SLC1A3: variants seen among roughly 807,000 people sequenced by gnomAD.
SLC1A3 encodes the protein excitatory amino acid transporter 1.
Under a neutral mutation model 48.1 loss-of-function variants are expected in SLC1A3, and 21 were observed. That is an observed-to-expected ratio of 0.44 (90% CI 0.31 to 0.63). The LOEUF (loss-of-function observed/expected upper bound fraction) is 0.63, where lower values mean the gene tolerates loss of function less well. Ranked by LOEUF, SLC1A3 falls within the 20% of genes least tolerant of loss-of-function variation. The probability of loss-of-function intolerance (pLI) is 0.08; values close to 1 mark genes in which losing one functional copy is unlikely to be tolerated. For synonymous variants in SLC1A3, 239 were observed against 251.4 expected (o/e 0.95, Z 0.47); for missense variants, 546 against 689.0 (o/e 0.79, Z 2.32).
At chr5:36,609,253 T>C (rs1399559713) in intron 2 of SLC1A3, 2 of 940,926 alleles carry the variant, frequency 2.1e-6, no homozygotes, top group East Asian at 1.2e-4. Flanking sequence ...GACAGCAATC[T>C]GTACTAATAA....
chr5:36,636,718 A>G (rs1740405520), intron 3 of SLC1A3, among the ~76,000 whole-genome samples: 1 of 151,706 alleles, frequency 6.6e-6, no homozygotes, highest in South Asian at 2.1e-4. Context: ...AACCTGAGGA[A>G]CATGGCCTCA....
chr5:36,637,508 T>A (rs1162027680), intron 3 of SLC1A3, among the ~76,000 whole-genome samples: 1 of 152,224 alleles, frequency 6.6e-6, no homozygotes, highest in African/African-American at 2.4e-5. Flanking sequence ...GGAAGAAATT[T>A]TTGAAAAATT....
At chr5:36,637,966 AC>A (rs962712871) in intron 3 of SLC1A3, among the ~76,000 whole-genome samples, 3 of 149,084 alleles carry the variant, frequency 2.0e-5, no homozygotes, top group African/African-American at 7.5e-5. Flanking sequence ...TCTATTGTGC[AC>A]CCATGGTTGA....
chr5:36,641,064 C>A (rs924962418), intron 3 of SLC1A3, among the ~76,000 whole-genome samples: 2 of 152,028 alleles, frequency 1.3e-5, no homozygotes, highest in Non-Finnish European at 2.9e-5. Flanking sequence ...TGACTTGCTT[C>A]CCATTTCTGG....
intron 3 of SLC1A3, among the ~76,000 whole-genome samples, chr5:36,662,674 C>A (rs1741565130): frequency 6.6e-6 from 1 of 152,228 alleles, no homozygotes; most frequent in Non-Finnish European, 1.5e-5. Context: ...CTCGCGCCGG[C>A]AGCTGTGGGC....
intron 3 of SLC1A3, among the ~76,000 whole-genome samples, chr5:36,654,381 A>T (rs1741207256): frequency 6.6e-6 from 1 of 152,198 alleles, no homozygotes; most frequent in Non-Finnish European, 1.5e-5. Flanking sequence ...TATCCCAATC[A>T]CTTGACTTCT....
chr5:36,609,957 T>C (rs1739125934), intron 2 of SLC1A3, among the ~76,000 whole-genome samples: 1 of 152,216 alleles, frequency 6.6e-6, no homozygotes, highest in Non-Finnish European at 1.5e-5. Context: ...CAAACATTTA[T>C]ATAGTACTAT....
Position 36,671,518 on chromosome 5 carries a change from C to T in SLC1A3, c.524+285C>T, listed in dbSNP as rs114319280. 4.1e-3 allele frequency among the ~76,000 whole-genome samples: 626 copies of T among 152,278 alleles called. 6 individuals are homozygous for T. Among genetic ancestry groups the T allele is most frequent in the African/African-American group, 0.014 (595 of 41,556 alleles). Reference sequence around the variant, plus strand: ...GACCTCTCTCAACTATGCAGCTCACCTTGGAATTTTAATAATTCTTAACCT... The same window carrying T: ...GACCTCTCTCAACTATGCAGCTCACTTTGGAATTTTAATAATTCTTAACCT... On this transcript the variant is annotated intron_variant, in intron 4 of 9. Transcript: ENST00000265113.
intron 1 of SLC1A3, among the ~76,000 whole-genome samples, chr5:36,601,077 C>T (rs1457717948): frequency 6.6e-6 from 1 of 152,218 alleles, no homozygotes; most frequent in Non-Finnish European, 1.5e-5. Flanking sequence ...GAAATAGTTG[C>T]TATAATAGTC....
chr5:36,670,813 G>C, intron 3 of SLC1A3: 1 of 597,200 alleles, frequency 1.7e-6, no homozygotes, highest in Non-Finnish European at 3.0e-6. Context: ...ATGAGTGACT[G>C]CATGTTCACT....
At chr5:36,618,645 C>A (rs900504550) in intron 2 of SLC1A3, among the ~76,000 whole-genome samples, 3 of 152,198 alleles carry the variant, frequency 2.0e-5, no homozygotes, top group Non-Finnish European at 2.9e-5. Flanking sequence ...AGAACAGAGG[C>A]TCTGAAAGAA....
At chr5:36,598,315 C>T (rs1012210918) in intron 1 of SLC1A3, among the ~76,000 whole-genome samples, 10 of 152,188 alleles carry the variant, frequency 6.6e-5, no homozygotes, top group African/African-American at 2.4e-4. Context: ...ATATAAAACA[C>T]TTGGCATGGT....
At chr5:36,606,883 A>G (rs2111647086) in intron 1 of SLC1A3, 148 bp downstream of exon 1, 1 of 152,396 alleles carries the variant, frequency 6.6e-6, no homozygotes, top group East Asian at 1.9e-4. Context: ...TCACGTCGTG[A>G]GAGTGTGGTG....
intron 2 of SLC1A3, 21 bp downstream of exon 2, chr5:36,608,625 C>CA (rs3216728): frequency 0.17 from 280,103 of 1,608,946 alleles, 32,232 homozygotes; most frequent in African/African-American, 0.53. Flanking sequence ...TGATTAAAAA[C>CA]AAAAAAACCT....
At chr5:36,608,886 G>T in intron 2 of SLC1A3, 1 of 1,141,052 alleles carries the variant, frequency 8.8e-7, no homozygotes, top group South Asian at 3.2e-5. Context: ...GGATAAGGAA[G>T]TGATCATTTA....
chr5:36,621,714 A>T (rs1223244435), intron 2 of SLC1A3, among the ~76,000 whole-genome samples: 1 of 152,224 alleles, frequency 6.6e-6, no homozygotes, highest in Non-Finnish European at 1.5e-5. Flanking sequence ...GAATCTCGAC[A>T]TCATTAATTC....
chr5:36,679,986 C>G, intron 7 of SLC1A3, 126 bp downstream of exon 7: 1 of 729,340 alleles, frequency 1.4e-6, no homozygotes, highest in Non-Finnish European at 2.4e-6. Flanking sequence ...TTAGCTTTCT[C>G]ATTTCTGATG....
intron 3 of SLC1A3, among the ~76,000 whole-genome samples, chr5:36,652,834 T>C (rs964577923): frequency 4.6e-5 from 7 of 152,164 alleles, no homozygotes; most frequent in African/African-American, 9.7e-5. Context: ...ATAAAGTTAA[T>C]ACCTCTAAAA....
intron 3 of SLC1A3, among the ~76,000 whole-genome samples, chr5:36,648,171 GT>G (rs910751458): frequency 1.3e-5 from 2 of 152,024 alleles, no homozygotes; most frequent in African/African-American, 4.8e-5. Flanking sequence ...ATTATTAAGA[GT>G]TTTTTTATGA....
Sources: allele counts gnomAD v4.1 joint callset (sites outside exome capture counted in the v4.1 genomes callset), GRCh38; gene constraint gnomAD v4.1.1; transcripts MANE v1.5; gene names NCBI Gene and HGNC (gene_info 2026-07-23, HGNC 2026-07-21).